Variants in SIL1 observed in about 807,000 individuals in gnomAD.
SIL1 encodes the protein nucleotide exchange factor SIL1.
SIL1 carries 40 observed loss-of-function variants against 49.1 expected under a neutral mutation model. The ratio of observed to expected loss-of-function variants is 0.81; its 90% CI spans 0.63 to 1.06. The LOEUF is 1.06. Ranked by LOEUF, SIL1 falls within the 50% of genes least tolerant of loss-of-function variation. The probability of loss-of-function intolerance (pLI) is 0.00; values close to 1 mark genes in which losing one functional copy is unlikely to be tolerated. For synonymous variants in SIL1, 253 were observed against 250.8 expected (o/e 1.01, Z -0.08); for missense variants, 500 against 572.6 (o/e 0.87, Z 1.29).
intron 7 of SIL1, among the ~76,000 whole-genome samples, chr5:139,014,479 A>C (rs1768357430): frequency 6.6e-6 from 1 of 152,162 alleles, no homozygotes; most frequent in African/African-American, 2.4e-5. Flanking sequence ...GAAATTAAGA[A>C]GGGGATAGTA....
At chr5:139,051,484 C>G (rs1769283107) in intron 3 of SIL1, among the ~76,000 whole-genome samples, 2 of 152,164 alleles carry the variant, frequency 1.3e-5, no homozygotes, top group South Asian at 2.1e-4. Flanking sequence ...CACAGGGCCC[C>G]AGACAGCCTG....
At chr5:139,001,690 A>AG (rs1561822290) in intron 7 of SIL1, among the ~76,000 whole-genome samples, 2 of 152,232 alleles carry the variant, frequency 1.3e-5, no homozygotes, top group Non-Finnish European at 2.9e-5. Flanking sequence ...GTGGAGCAAG[A>AG]GGTCAGGAGT....
rs1766771375 is a variant in SIL1, at chr5:138,951,292, G to A, written c.908C>T (p.Ala303Val). The A allele has an allele frequency of 2.6e-6, 4 of 1,568,566 alleles. No homozygotes were observed. In the East Asian group the frequency reaches 9.4e-5, roughly 37 times the overall value. The change falls in exon 9 of 10, where the codon GCC (alanine) becomes GTC (valine). Residue 303 changes from alanine (A) to valine (V), a missense_variant. Physicochemically the swap from Ala to Val is moderately conservative, Grantham distance 64. Coordinates refer to ENST00000394817, the MANE Select transcript of SIL1 (RefSeq NM_022464.5). ...CCCGAGCTTCAGGAACTGCCGCTGG[G>A]CATAGGGGAAGTGGCGCAGCAGGGA... ...LCSLLRHFPY[A>V]QRQFLKLGGL... is the part of the protein sequence containing the mutation.
At chr5:139,194,210 C>G (rs1191229359) in intron 1 of SIL1, among the ~76,000 whole-genome samples, 1 of 152,194 alleles carries the variant, frequency 6.6e-6, no homozygotes, top group Admixed American at 6.5e-5. Context: ...TACAAATTTG[C>G]AAAAGTAAGA....
chr5:139,145,625 G>T (rs1355508484), intron 1 of SIL1, among the ~76,000 whole-genome samples: 1 of 114,260 alleles, frequency 8.8e-6, no homozygotes. Flanking sequence ...TGTGGGTGTG[G>T]GGGCGTGTGT....
intron 3 of SIL1, among the ~76,000 whole-genome samples, chr5:139,055,870 A>C (rs10062855): frequency 6.6e-6 from 1 of 150,858 alleles, no homozygotes; most frequent in Non-Finnish European, 1.5e-5. Flanking sequence ...ACGGGGTTTC[A>C]CTGTGTTGGC....
At chr5:139,159,735 T>C (rs1178699686) in intron 1 of SIL1, among the ~76,000 whole-genome samples, 1 of 152,124 alleles carries the variant, frequency 6.6e-6, no homozygotes, top group Non-Finnish European at 1.5e-5. Context: ...TTGGAAGCTG[T>C]TTCCCCCACA....
chr5:139,057,273 A>T (rs1394077626), intron 3 of SIL1, among the ~76,000 whole-genome samples: 9 of 142,484 alleles, frequency 6.3e-5, no homozygotes, highest in East Asian at 3.9e-4. Flanking sequence ...CCTATGACCC[A>T]GCCAAATCCC....
chr5:138,968,987 C>A lies in SIL1; in HGVS notation c.768-17103G>T, dbSNP rs781088388. Among the ~76,000 whole-genome samples, 40 of 152,154 alleles carry A rather than the reference C, an allele frequency of 2.6e-4. 1 individual carries two copies. The highest frequency in any genetic ancestry group is 5.9e-5 in the Non-Finnish European group (4 of 68,034). On this transcript the variant is annotated intron_variant, in intron 7 of 9. Transcript: ENST00000394817. The stretch of plus-strand genomic sequence containing the variant: ...ACCATGGGTCCTCCTCACTGCATAT[C>A]CCCTGCCTGCTTGAGAAAAGGGATG...
intron 1 of SIL1, among the ~76,000 whole-genome samples, chr5:139,153,872 A>G (rs1581137524): frequency 6.6e-6 from 1 of 152,318 alleles, no homozygotes; most frequent in East Asian, 1.9e-4. Context: ...CAGTACCCCA[A>G]GCTAACTACA....
chr5:139,137,755 C>T (rs1272155576), intron 1 of SIL1, among the ~76,000 whole-genome samples: 1 of 148,434 alleles, frequency 6.7e-6, no homozygotes, highest in African/African-American at 2.5e-5. Context: ...TGTTCAATTC[C>T]CACCTCTGAA....
intron 3 of SIL1, among the ~76,000 whole-genome samples, chr5:139,089,738 A>T (rs1300775296): frequency 6.6e-6 from 1 of 152,240 alleles, no homozygotes; most frequent in Non-Finnish European, 1.5e-5. Flanking sequence ...TTTACATGAA[A>T]TATCCAAAAT....
intron 3 of SIL1, among the ~76,000 whole-genome samples, chr5:139,099,732 T>C (rs1040123058): frequency 1.3e-4 from 20 of 151,934 alleles, no homozygotes; most frequent in African/African-American, 4.6e-4. Context: ...ATCAAAACAA[T>C]TGAACTCATG....
chr5:138,978,682 C>T (rs1014944376), intron 7 of SIL1, among the ~76,000 whole-genome samples: 1 of 152,218 alleles, frequency 6.6e-6, no homozygotes, highest in African/African-American at 2.4e-5. Flanking sequence ...AATTTCTCCA[C>T]ATCCTTGTCA....
At chr5:139,046,542 G>A (rs924321271) in intron 4 of SIL1, among the ~76,000 whole-genome samples, 2 of 152,060 alleles carry the variant, frequency 1.3e-5, no homozygotes, top group Non-Finnish European at 2.9e-5. Flanking sequence ...ATAAAGCCTG[G>A]GACTTCCTGT....
At chr5:139,136,808 AAG>A (rs1426966384) in intron 1 of SIL1, among the ~76,000 whole-genome samples, 2 of 152,196 alleles carry the variant, frequency 1.3e-5, no homozygotes, top group Admixed American at 6.5e-5. Flanking sequence ...TTAATGAGAA[AAG>A]AGAAAAAAAA....
chr5:139,121,830 C>T (rs1318930968), intron 2 of SIL1, among the ~76,000 whole-genome samples: 2 of 152,194 alleles, frequency 1.3e-5, no homozygotes, highest in African/African-American at 4.8e-5. Flanking sequence ...TTGCCTTCCA[C>T]CCTGTGTAGA....
intron 1 of SIL1, among the ~76,000 whole-genome samples, chr5:139,197,800 TAACAC>T (rs1203195023): frequency 6.6e-6 from 1 of 152,034 alleles, no homozygotes; most frequent in Admixed American, 6.5e-5. Flanking sequence ...ATCCGAGAGA[TAACAC>T]TAACCAGTCT....
chr5:139,026,872 A>C lies in SIL1; in HGVS notation c.574T>G (p.Phe192Val), dbSNP rs1352713794. 2 of 1,614,106 alleles carry C rather than the reference A, an allele frequency of 1.2e-6. No individual in the cohort carries two copies. The highest frequency in any genetic ancestry group is 1.7e-6 in the Non-Finnish European group (2 of 1,180,042). Residue 192 changes from phenylalanine to valine, a missense_variant, in exon 6 of 10, where the codon TTC (phenylalanine) becomes GTC (valine). Physicochemically the swap from Phe to Val is conservative, Grantham distance 50. Coordinates refer to ENST00000394817, the MANE Select transcript of SIL1 (RefSeq NM_022464.5). ...MQIMVRLINK[F>V]NSSSSSLEEK... is the part of the protein sequence containing the mutation. Reference sequence around the variant, plus strand: ...TCCAAACTGGAGCTGGAACTATTGAACTTGTTGATCAGCCGTACCATGATC... The same window carrying C: ...TCCAAACTGGAGCTGGAACTATTGACCTTGTTGATCAGCCGTACCATGATC...
Sources: allele counts gnomAD v4.1 joint callset (sites outside exome capture counted in the v4.1 genomes callset), GRCh38; gene constraint gnomAD v4.1.1; transcripts MANE v1.5; gene names NCBI Gene and HGNC (gene_info 2026-07-23, HGNC 2026-07-21).